Variants in TOMM22 observed in about 807,000 individuals in gnomAD.
The protein encoded by TOMM22 is translocase of outer mitochondrial membrane 22, also known as mitochondrial import receptor subunit TOM22 homolog.
Under a neutral mutation model 17.1 loss-of-function variants are expected in TOMM22, and 3 were observed. That is an observed-to-expected ratio of 0.18 (90% CI 0.08 to 0.45). The LOEUF is 0.45. TOMM22 is among the 20% of genes least tolerant of loss of function. TOMM22 has a pLI of 0.99. For synonymous variants in TOMM22, 91 were observed against 74.0 expected (o/e 1.23, Z -1.18); for missense variants, 159 against 179.5 (o/e 0.89, Z 0.65).
chr22:38,682,297 T>A, intron 1 of TOMM22, 26 bp from the exon 2 acceptor site: 1 of 1,609,156 alleles, frequency 6.2e-7, no homozygotes, highest in Non-Finnish European at 8.5e-7. Context: ...CTTTTTCGGC[T>A]AAGACCCGCG....
In TOMM22 at chr22:38,683,012, G is replaced by A. The variant is rs2145795891; in HGVS notation, c.354+16G>A. The A allele has an allele frequency of 6.2e-7, 1 of 1,611,488 alleles. No individual in the cohort carries two copies. ...GCAGCGGCAGGTGAGCCCAGACCTT[G>A]GGCTTTTTGCCAGTGGTGGAGACGC... On this transcript the variant is annotated intron_variant, in intron 3 of 3. Coordinates refer to ENST00000216034, the MANE Select transcript of TOMM22 (RefSeq NM_020243.5).
rs747114118 is a variant in TOMM22, at chr22:38,682,449, A to G, written c.236+8A>G. On this transcript the variant is annotated splice_region_variant and intron_variant, in intron 2 of 3. Coordinates refer to ENST00000216034, the MANE Select transcript of TOMM22 (RefSeq NM_020243.5). ...GGCTCAGAAAATGTACAGGTAAGGA[A>G]CGAGGGCAAAGGCACTGGGTACGTG... 2 of 1,613,124 alleles carry G rather than the reference A, an allele frequency of 1.2e-6. No individual in the cohort carries two copies. Among genetic ancestry groups the G allele is most frequent in the Non-Finnish European group, 1.7e-6 (2 of 1,179,120 alleles).
rs550529807 is a variant in TOMM22 at position 38,684,160 on chromosome 22, G to A, written c.*319G>A. On this transcript the variant is annotated 3_prime_UTR_variant, in exon 4 of 4. Coordinates refer to ENST00000216034, the MANE Select transcript of TOMM22 (RefSeq NM_020243.5). ...ACTTTCCCCTTGTGGGGTAGGAACC[G>A]ATGCCAGTGGGAGGGATGTGCCCCT... 2.8e-5 allele frequency: 9 copies of A among 318,848 alleles called. No individual in the cohort carries two copies. The South Asian group carries it at 4.9e-4, about 17-fold the overall frequency. 19.8% of individuals were successfully genotyped at this position (318,848 alleles called of 1,614,324 possible).
At chr22:38,683,635 C>T (rs909176429) in intron 3 of TOMM22, 132 bp from the exon 4 acceptor site, 44 of 642,268 alleles carry the variant, frequency 6.9e-5, no homozygotes, top group East Asian at 2.7e-4. Flanking sequence ...GGATTGGGAT[C>T]GGGCCCATGC....
At position 38,683,960 on chromosome 22, in the gene TOMM22, G is replaced by A; in HGVS notation, c.*119G>A. 3 of 782,454 alleles carry A rather than the reference G, an allele frequency of 3.8e-6. No homozygotes were observed. The highest frequency in any genetic ancestry group is 5.3e-5 in the East Asian group (2 of 37,478). The allele number at this position is 782,454 out of a possible 1,614,324, so 48.5% of individuals were successfully genotyped here. ...TTGGCACATTGATCTATCTAAACCT[G>A]GTGGGGAGAATTATCCCCACATTGT... On this transcript the variant is annotated 3_prime_UTR_variant, in exon 4 of 4. Coordinates refer to ENST00000216034, the MANE Select transcript of TOMM22 (RefSeq NM_020243.5).
intron 1 of TOMM22, 38 bp downstream of exon 1, chr22:38,682,133 C>A: frequency 1.3e-6 from 2 of 1,544,886 alleles, no homozygotes; most frequent in South Asian, 2.3e-5. Flanking sequence ...GGGAAGCGGG[C>A]CCGCTCGTGG....
intron 2 of TOMM22, 81 bp from the exon 3 acceptor site, chr22:38,682,798 G>A (rs1007708892): frequency 1.7e-6 from 2 of 1,163,342 alleles, no homozygotes; most frequent in African/African-American, 3.0e-5. Context: ...TATGTAATGT[G>A]AGAGGTTTGG....
chr22:38,683,758 C>G lies in TOMM22; in HGVS notation c.355-9C>G, dbSNP rs774251817. 1.2e-6 allele frequency: 2 copies of G among 1,613,256 alleles called. No individual in the cohort carries two copies. Among genetic ancestry groups the G allele is most frequent in the Admixed American group, 3.3e-5 (2 of 59,986 alleles). On this transcript the variant is annotated splice_polypyrimidine_tract_variant and intron_variant, in intron 3 of 3. Coordinates refer to ENST00000216034, the MANE Select transcript of TOMM22 (RefSeq NM_020243.5). ...TATGATGCCTTACACCCCTCCTTTT[C>G]TTTTCCAGATACTTCTAGGACCTAA...
intron 2 of TOMM22, 100 bp downstream of exon 2, chr22:38,682,541 C>T: frequency 2.8e-6 from 3 of 1,075,284 alleles, no homozygotes; most frequent in Middle Eastern, 2.0e-4. Flanking sequence ...GTTGGGTGAC[C>T]TTGGGCTTGT....
chr22:38,682,298 A>C, intron 1 of TOMM22, 25 bp from the exon 2 acceptor site: 1 of 1,608,582 alleles, frequency 6.2e-7, no homozygotes, highest in Non-Finnish European at 8.5e-7. Context: ...TTTTTCGGCT[A>C]AGACCCGCGT....
rs2092492251 is a variant in TOMM22, at chr22:38,684,996, A to G, written c.*1155A>G. 1 of 151,942 alleles carries G rather than the reference A, an allele frequency of 6.6e-6. No individual in the cohort carries two copies. The highest frequency in any genetic ancestry group is 6.6e-5 in the Admixed American group (1 of 15,244). 9.4% of individuals were successfully genotyped at this position (151,942 alleles called of 1,614,324 possible). Reference sequence around the variant, plus strand: ...AGGGTTTCGCCTTGTTGCCCCAGATAGTCTTGAACTCCTGAGTTCTAGCCA... The same window carrying G: ...AGGGTTTCGCCTTGTTGCCCCAGATGGTCTTGAACTCCTGAGTTCTAGCCA... On this transcript the variant is annotated 3_prime_UTR_variant, in exon 4 of 4. Coordinates refer to ENST00000216034, the MANE Select transcript of TOMM22 (RefSeq NM_020243.5).
Position 38,684,198 on chromosome 22 carries a change from C to A in TOMM22, c.*357C>A. 1.0e-5 allele frequency: 2 copies of A among 195,648 alleles called. No homozygotes were observed. The highest frequency in any genetic ancestry group is 2.0e-5 in the Non-Finnish European group (2 of 99,316). 12.1% of individuals were successfully genotyped at this position (195,648 alleles called of 1,614,324 possible). ...GGGATGTGCCCCTGACCATTAACGA[C>A]TGTTTTTTTTTTTTTTTTTTAAAGA... On this transcript the variant is annotated 3_prime_UTR_variant, in exon 4 of 4. Coordinates refer to ENST00000216034, the MANE Select transcript of TOMM22 (RefSeq NM_020243.5).
At chr22:38,682,198 G>T in intron 1 of TOMM22, 103 bp downstream of exon 1, 1 of 1,490,088 alleles carries the variant, frequency 6.7e-7, no homozygotes, top group Middle Eastern at 2.3e-4. Flanking sequence ...TGGGAGGCGG[G>T]GTTAGGGGCC....
chr22:38,682,471 C>A, intron 2 of TOMM22, 30 bp downstream of exon 2: 2 of 1,582,698 alleles, frequency 1.3e-6, no homozygotes, highest in Non-Finnish European at 1.7e-6. Context: ...GCACTGGGTA[C>A]GTGCATGGGA....
In TOMM22 at chr22:38,682,106, C is replaced by A. The variant is rs776898644; in HGVS notation, c.117+11C>A. ...GACGACGATGAGGAGGTACTAGGGCCTCGCGGGGTGCAGAGCGGGAAGCGG... is the reference window on the plus strand; with the variant it reads ...GACGACGATGAGGAGGTACTAGGGCATCGCGGGGTGCAGAGCGGGAAGCGG... On this transcript the variant is annotated intron_variant, in intron 1 of 3. Transcript: ENST00000216034. 5.1e-6 allele frequency: 8 copies of A among 1,567,608 alleles called. 1 individual carries two copies. The South Asian group carries it at 8.1e-5, about 16-fold the overall frequency.
chr22:38,683,875 TAA>T lies in TOMM22; in HGVS notation c.*35_*36del, dbSNP rs1416729144. On this transcript the variant is annotated 3_prime_UTR_variant, in exon 4 of 4. Coordinates refer to ENST00000216034, the MANE Select transcript of TOMM22 (RefSeq NM_020243.5). ...TGCTGTTTGAGCTGTCTCAGTGGGA[TAA>T]GTTTGAAATTCAAGTGTTTGAACTG... is the stretch of plus-strand genomic sequence containing the variant. 6.3e-7 allele frequency: 1 copy of T among 1,590,598 alleles called. No individual in the cohort carries two copies.
rs1569260211 is a variant in TOMM22 at position 38,683,873 on chromosome 22, GA to G, written c.*33del. On this transcript the variant is annotated 3_prime_UTR_variant, in exon 4 of 4. Coordinates refer to ENST00000216034, the MANE Select transcript of TOMM22 (RefSeq NM_020243.5). ...ATTGCTGTTTGAGCTGTCTCAGTGG[GA>G]TAAGTTTGAAATTCAAGTGTTTGAA... 6.3e-7 allele frequency: 1 copy of G among 1,589,424 alleles called. No homozygotes were observed. The highest frequency in any genetic ancestry group is 1.1e-5 in the South Asian group (1 of 89,702).
chr22:38,684,097 G>C lies in TOMM22; in HGVS notation c.*256G>C. 2.3e-6 allele frequency: 1 copy of C among 430,186 alleles called. No homozygotes were observed. The highest frequency in any genetic ancestry group is 4.2e-6 in the Non-Finnish European group (1 of 236,548). 26.6% of individuals were successfully genotyped at this position (430,186 alleles called of 1,614,324 possible). Reference sequence around the variant, plus strand: ...ATGGTTATTCCAGCTCTGGTCACCCGACTCCTTTCACCAAATTGCTCCTAA... The same window carrying C: ...ATGGTTATTCCAGCTCTGGTCACCCCACTCCTTTCACCAAATTGCTCCTAA... On this transcript the variant is annotated 3_prime_UTR_variant, in exon 4 of 4. Coordinates refer to ENST00000216034, the MANE Select transcript of TOMM22 (RefSeq NM_020243.5).
intron 2 of TOMM22, 56 bp downstream of exon 2, chr22:38,682,497 G>C (rs1349193135): frequency 1.3e-6 from 2 of 1,505,548 alleles, no homozygotes; most frequent in Non-Finnish European, 1.8e-6. Flanking sequence ...GTGGTGCTGT[G>C]AAAGAACACG....
Sources: gnomAD v4.1 joint callset for allele counts on GRCh38, gnomAD v4.1.1 for gene constraint, MANE v1.5 for transcripts, NCBI Gene and HGNC (gene_info 2026-07-23, HGNC 2026-07-21) for gene names.